PPIL4: variants seen among roughly 807,000 people sequenced by gnomAD.
PPIL4 encodes peptidylprolyl isomerase like 4.
PPIL4 carries 50 observed loss-of-function variants against 69.1 expected under a neutral mutation model. The ratio of observed to expected loss-of-function variants is 0.72; its 90% CI spans 0.58 to 0.92. PPIL4 has a LOEUF of 0.92. Among genes scored for constraint, PPIL4 ranks in the 40% least tolerant of loss-of-function variants. PPIL4 has a pLI of 0.00. For synonymous variants in PPIL4, 193 were observed against 191.6 expected, an observed-to-expected ratio of 1.01 and a Z score of -0.06; for missense variants, 480 against 587.9, an observed-to-expected ratio of 0.82 and a Z score of 1.90.
chr6:149,530,159 G>T (rs926099642), intron 7 of PPIL4, among the ~76,000 whole-genome samples: 1 of 152,116 alleles, frequency 6.6e-6, no homozygotes, highest in African/African-American at 2.4e-5. Context: ...AATTAATAAT[G>T]TATCAATATT....
chr6:149,506,037 C>T (rs977422531), intron 12 of PPIL4, among the ~76,000 whole-genome samples: 1 of 152,194 alleles, frequency 6.6e-6, no homozygotes, highest in Admixed American at 6.5e-5. Flanking sequence ...TAGTCTTATT[C>T]CCAGCTCCCC....
intron 1 of PPIL4, 148 bp from the exon 2 acceptor site, chr6:149,541,734 G>A (rs1034287802): frequency 1.3e-5 from 7 of 531,446 alleles, no homozygotes; most frequent in South Asian, 7.0e-5. Context: ...GCAATAGGCC[G>A]GGCGCTGGCT....
chr6:149,534,356 G>A (rs984715391), intron 6 of PPIL4, among the ~76,000 whole-genome samples: 2 of 152,182 alleles, frequency 1.3e-5, no homozygotes, highest in Admixed American at 6.5e-5. Flanking sequence ...CCTGGCTCCA[G>A]AGTGTCCCCA....
chr6:149,526,881 G>T, intron 7 of PPIL4, 105 bp from the exon 8 acceptor site: 2 of 1,091,186 alleles, frequency 1.8e-6, no homozygotes, highest in Non-Finnish European at 2.7e-6. Context: ...CTAAATTTAT[G>T]TTACAAACTG....
intron 6 of PPIL4, 53 bp downstream of exon 6, chr6:149,534,625 C>A: frequency 6.6e-6 from 6 of 906,868 alleles, no homozygotes; most frequent in South Asian, 3.3e-5. Context: ...AAGATAAATC[C>A]ATACAAATCA....
At chr6:149,506,603 G>T (rs748345218) in intron 12 of PPIL4, among the ~76,000 whole-genome samples, 8 of 152,178 alleles carry the variant, frequency 5.3e-5, no homozygotes, top group Non-Finnish European at 1.2e-4. Flanking sequence ...TTAGAGAGGA[G>T]AATTTTTTTT....
intron 1 of PPIL4, 50 bp downstream of exon 1, chr6:149,545,886 G>A (rs1254439679): frequency 1.3e-6 from 2 of 1,511,378 alleles, no homozygotes; most frequent in African/African-American, 1.4e-5. Context: ...GGAAAGTAGG[G>A]AGACAAGCTC....
chr6:149,533,749 G>T (rs776271737), intron 6 of PPIL4, among the ~76,000 whole-genome samples, 175 bp from the exon 7 acceptor site: 1 of 151,980 alleles, frequency 6.6e-6, no homozygotes, highest in African/African-American at 2.4e-5. Context: ...GTGAGATCTT[G>T]TCTCTAAAAA....
At chr6:149,524,221 T>C (rs1448226775) in intron 9 of PPIL4, among the ~76,000 whole-genome samples, 1 of 152,194 alleles carries the variant, frequency 6.6e-6, no homozygotes, top group African/African-American at 2.4e-5. Context: ...TTTGAACAAG[T>C]CACATTAGCA....
rs570222162 is a variant in PPIL4, at chr6:149,527,597, T to A, written c.679-821A>T. Among the ~76,000 whole-genome samples the A allele has an allele frequency of 4.7e-4, 72 of 152,330 alleles. No homozygotes were observed. In the South Asian group the frequency reaches 0.012, roughly 26 times the overall value. On this transcript the variant is annotated intron_variant, in intron 7 of 12. Coordinates refer to ENST00000253329, the MANE Select transcript of PPIL4 (RefSeq NM_139126.4). ...ATAAAAATAAAAACCACTATGATGC[T>A]ACCATCTAGCTTAAGAACTAAAATG...
intron 7 of PPIL4, among the ~76,000 whole-genome samples, chr6:149,529,816 G>C (rs1405380345): frequency 1.3e-5 from 2 of 150,472 alleles, no homozygotes; most frequent in Non-Finnish European, 3.0e-5. Context: ...AAAGGGAAAG[G>C]AGAAAGGGAA....
intron 1 of PPIL4, among the ~76,000 whole-genome samples, chr6:149,542,079 C>CT (rs1292989062): frequency 8.2e-4 from 124 of 150,980 alleles, no homozygotes; most frequent in African/African-American, 1.9e-3. Context: ...TTTAAATTAC[C>CT]TTTTTTTTTC....
At chr6:149,537,621 G>C (rs1430495155) in intron 4 of PPIL4, among the ~76,000 whole-genome samples, 5 of 151,912 alleles carry the variant, frequency 3.3e-5, no homozygotes, top group East Asian at 2.0e-4. Context: ...GCAGGAGAAT[G>C]GCGTGAATCT....
intron 8 of PPIL4, among the ~76,000 whole-genome samples, chr6:149,526,130 T>C (rs905406161): frequency 6.6e-6 from 1 of 151,864 alleles, no homozygotes; most frequent in African/African-American, 2.4e-5. Context: ...TAAAATAAAA[T>C]AAAATCCCTG....
intron 12 of PPIL4, among the ~76,000 whole-genome samples, chr6:149,507,814 C>A (rs1776789080): frequency 6.6e-6 from 1 of 152,032 alleles, no homozygotes; most frequent in South Asian, 2.1e-4. Flanking sequence ...TTCAAATAGT[C>A]TTTGACATTT....
intron 4 of PPIL4, among the ~76,000 whole-genome samples, chr6:149,538,458 T>C (rs766110623): frequency 3.3e-5 from 5 of 152,064 alleles, no homozygotes; most frequent in Non-Finnish European, 5.9e-5. Flanking sequence ...AGGCCCCATC[T>C]CTAAAAATAA....
intron 4 of PPIL4, among the ~76,000 whole-genome samples, chr6:149,539,881 G>A (rs889230753): frequency 6.6e-6 from 1 of 152,198 alleles, no homozygotes; most frequent in Non-Finnish European, 1.5e-5. Context: ...TGTAATCCCA[G>A]CACTTTGGGA....
At chr6:149,512,378 G>T in intron 11 of PPIL4, 76 bp from the exon 12 acceptor site, 1 of 1,168,824 alleles carries the variant, frequency 8.6e-7, no homozygotes, top group Non-Finnish European at 1.2e-6. Flanking sequence ...GGTAAACAAA[G>T]GAGGTCATAA....
At chr6:149,541,887 A>C (rs1420130254) in intron 1 of PPIL4, among the ~76,000 whole-genome samples, 1 of 151,962 alleles carries the variant, frequency 6.6e-6, no homozygotes, top group African/African-American at 2.4e-5. Flanking sequence ...GGTGGCGGGC[A>C]CCTGTAATCC....
Sources: gnomAD v4.1 joint callset for allele counts (sites outside exome capture counted in the v4.1 genomes callset) on GRCh38, gnomAD v4.1.1 for gene constraint, MANE v1.5 for transcripts, NCBI Gene and HGNC (gene_info 2026-07-23, HGNC 2026-07-21) for gene names.